LRMDA: variants seen among roughly 807,000 people sequenced by gnomAD.
LRMDA encodes the protein leucine rich melanocyte differentiation associated.
A neutral mutation model predicts 29.8 loss-of-function variants in LRMDA; 18 were observed. The observed-to-expected ratio is 0.60, with a 90% confidence interval of 0.42 to 0.90. LRMDA has a LOEUF of 0.90. LRMDA is among the 40% of genes least tolerant of loss of function. LRMDA has a pLI of 0.00. For missense variants in LRMDA, 273 were observed against 273.9 expected, an observed-to-expected ratio of 1.00 and a Z score of 0.02; for synonymous variants, 125 against 109.4, an observed-to-expected ratio of 1.14 and a Z score of -0.89.
At position 76,016,095 on chromosome 10, in the gene LRMDA, G is replaced by A. The variant is rs1359763579; in HGVS notation, c.132-19913G>A. Among the ~76,000 whole-genome samples, 6 of 152,084 alleles carry A rather than the reference G, an allele frequency of 3.9e-5. No homozygotes were observed. The East Asian group carries it at 7.7e-4, about 20-fold the overall frequency. ...ATCTTGTATTGTTTAATTTCCACACGTCGACATCTTGTCTCTCCATAAGAA... is the reference window on the plus strand; with the variant it reads ...ATCTTGTATTGTTTAATTTCCACACATCGACATCTTGTCTCTCCATAAGAA... On this transcript the variant is annotated intron_variant, in intron 2 of 6. Transcript: ENST00000611255.
chr10:75,730,127 T>G (rs1161532608), intron 2 of LRMDA, among the ~76,000 whole-genome samples: 1 of 152,156 alleles, frequency 6.6e-6, no homozygotes, highest in Non-Finnish European at 1.5e-5. Flanking sequence ...TGGCTGAGTT[T>G]AATGTTTCCT....
At chr10:76,003,754 G>A (rs1847601318) in intron 2 of LRMDA, among the ~76,000 whole-genome samples, 1 of 152,162 alleles carries the variant, frequency 6.6e-6, no homozygotes, top group Non-Finnish European at 1.5e-5. Context: ...GTCTGATAGG[G>A]GGAGGAAGAA....
At chr10:76,291,250 A>G (rs1405556218) in intron 5 of LRMDA, among the ~76,000 whole-genome samples, 1 of 152,224 alleles carries the variant, frequency 6.6e-6, no homozygotes. Context: ...GTCTCAAAAT[A>G]AATAACACAG....
At chr10:75,454,672 G>T (rs2132033988) in intron 2 of LRMDA, among the ~76,000 whole-genome samples, 1 of 152,352 alleles carries the variant, frequency 6.6e-6, no homozygotes, top group Middle Eastern at 3.4e-3. Flanking sequence ...TCACGAGTCT[G>T]TCCTGGTTGG....
intron 5 of LRMDA, among the ~76,000 whole-genome samples, chr10:76,196,629 T>A (rs747500558): frequency 6.6e-6 from 1 of 152,206 alleles, no homozygotes; most frequent in African/African-American, 2.4e-5. Context: ...CCCCCCTCCA[T>A]CCCACTTAAC....
At chr10:76,138,446 C>A (rs1252872173) in intron 5 of LRMDA, among the ~76,000 whole-genome samples, 1 of 151,246 alleles carries the variant, frequency 6.6e-6, no homozygotes, top group Non-Finnish European at 1.5e-5. Flanking sequence ...TAAACCTACT[C>A]CCCCCATTTG....
intron 6 of LRMDA, among the ~76,000 whole-genome samples, chr10:76,376,691 G>C (rs1841522339): frequency 6.6e-6 from 1 of 151,942 alleles, no homozygotes; most frequent in African/African-American, 2.4e-5. Context: ...TAGGGTATAA[G>C]CATTCACATT....
rs1045084603 is a variant in LRMDA, at chr10:76,002,937, T to TC, written c.132-33070dup. On this transcript the variant is annotated intron_variant, in intron 2 of 6. Coordinates refer to ENST00000611255, the MANE Select transcript of LRMDA (RefSeq NM_001305581.2). ...TGGGAAGACTCAGCTTGAGGGTTTT[T>TC]CACCAGAAAACAATCTGCAGTTTAT... is the stretch of plus-strand genomic sequence containing the variant. 3.9e-5 allele frequency among the ~76,000 whole-genome samples: 6 copies of TC among 152,226 alleles called. 1 individual carries two copies. Among genetic ancestry groups the TC allele is most frequent in the Non-Finnish European group, 8.8e-5 (6 of 68,042 alleles).
At chr10:76,391,229 T>A (rs1841720703) in intron 6 of LRMDA, among the ~76,000 whole-genome samples, 2 of 152,252 alleles carry the variant, frequency 1.3e-5, no homozygotes, top group South Asian at 4.1e-4. Context: ...CAACTTAAGC[T>A]TATTTGAAGG....
At chr10:76,262,484 T>C (rs985054459) in intron 5 of LRMDA, among the ~76,000 whole-genome samples, 5 of 152,216 alleles carry the variant, frequency 3.3e-5, no homozygotes, top group Admixed American at 2.0e-4. Flanking sequence ...CCGTGTGAAG[T>C]TTATGAGTCT....
intron 2 of LRMDA, among the ~76,000 whole-genome samples, chr10:75,849,865 A>G (rs995112076): frequency 1.3e-5 from 2 of 152,234 alleles, no homozygotes; most frequent in Non-Finnish European, 2.9e-5. Context: ...ATGGTTCAGT[A>G]TTAGTTATAG....
At chr10:75,611,411 A>G (rs957864616) in intron 2 of LRMDA, among the ~76,000 whole-genome samples, 1 of 152,204 alleles carries the variant, frequency 6.6e-6, no homozygotes, top group Non-Finnish European at 1.5e-5. Context: ...GCTCTGTGGC[A>G]TTACCCGCAT....
At chr10:75,749,226 A>T (rs1186724504) in intron 2 of LRMDA, among the ~76,000 whole-genome samples, 1 of 152,092 alleles carries the variant, frequency 6.6e-6, no homozygotes, top group Non-Finnish European at 1.5e-5. Flanking sequence ...ATCTTACTTT[A>T]TTGTAAGGCT....
chr10:75,824,119 T>A (rs1377810840), intron 2 of LRMDA, among the ~76,000 whole-genome samples: 1 of 152,110 alleles, frequency 6.6e-6, no homozygotes, highest in African/African-American at 2.4e-5. Flanking sequence ...ACAACTGCAT[T>A]TGTGTCCCCA....
At chr10:75,670,373 C>G (rs980567235) in intron 2 of LRMDA, among the ~76,000 whole-genome samples, 1 of 147,410 alleles carries the variant, frequency 6.8e-6, no homozygotes, top group East Asian at 2.0e-4. Flanking sequence ...ACCACCCTCC[C>G]TCTAACCAGA....
intron 2 of LRMDA, among the ~76,000 whole-genome samples, chr10:75,868,525 T>C (rs912055343): frequency 2.0e-5 from 3 of 152,242 alleles, no homozygotes; most frequent in African/African-American, 7.2e-5. Flanking sequence ...CAGACTCTTA[T>C]TAACTCTGAT....
chr10:75,841,827 G>C (rs1179787724), intron 2 of LRMDA, among the ~76,000 whole-genome samples: 1 of 152,150 alleles, frequency 6.6e-6, no homozygotes, highest in Non-Finnish European at 1.5e-5. Context: ...AACTGATCTT[G>C]GTCTCCATGC....
At chr10:75,766,243 C>A (rs1843163715) in intron 2 of LRMDA, among the ~76,000 whole-genome samples, 1 of 152,146 alleles carries the variant, frequency 6.6e-6, no homozygotes, top group African/African-American at 2.4e-5. Flanking sequence ...CAGAGTAGGT[C>A]CTCTATAAAC....
rs67966004 is a variant in LRMDA, at chr10:75,590,726, C to CTT, written c.131+152273_131+152274dup. On this transcript the variant is annotated intron_variant, in intron 2 of 6. Coordinates refer to ENST00000611255, the MANE Select transcript of LRMDA (RefSeq NM_001305581.2). ...CTCCTAACTCTCACAATAAAATAGTCTTTTTTTTTTTTTTTTTTTTTTTTT... is the reference window on the plus strand; with the variant it reads ...CTCCTAACTCTCACAATAAAATAGTCTTTTTTTTTTTTTTTTTTTTTTTTTTT... Among the ~76,000 whole-genome samples the CTT allele has an allele frequency of 1.8e-3, 126 of 71,384 alleles. 15 individuals are homozygous for CTT. Among genetic ancestry groups the CTT allele is most frequent in the Middle Eastern group, 0.01 (1 of 98 alleles). 46.8% of individuals were successfully genotyped at this position (71,384 alleles called of 152,430 possible).
Sources: gnomAD v4.1 joint callset for allele counts (sites outside exome capture counted in the v4.1 genomes callset) on GRCh38, gnomAD v4.1.1 for gene constraint, MANE v1.5 for transcripts, NCBI Gene and HGNC (gene_info 2026-07-23, HGNC 2026-07-21) for gene names.